KCNMA1: variants seen among roughly 807,000 people sequenced by gnomAD.
KCNMA1 encodes Calcium-activated potassium channel subunit alpha-1.
In KCNMA1, 29 loss-of-function variants were observed where a neutral mutation model predicts 140.0. The ratio of observed to expected loss-of-function variants is 0.21; its 90% CI spans 0.15 to 0.28. The LOEUF is 0.28. KCNMA1 is among the 10% of genes least tolerant of loss of function. The pLI is 1.00. For synonymous variants in KCNMA1, 612 were observed against 611.9 expected, an observed-to-expected ratio of 1.00 and a Z score of 0.00; for missense variants, 880 against 1,602.2, an observed-to-expected ratio of 0.55 and a Z score of 7.70.
intron 1 of KCNMA1, among the ~76,000 whole-genome samples, chr10:77,509,511 C>T (rs1026181455): frequency 6.6e-6 from 1 of 152,248 alleles, no homozygotes; most frequent in South Asian, 2.1e-4. Flanking sequence ...GTTATATACC[C>T]CAAAGTGGAA....
At chr10:77,116,125 C>T (rs113044073) in intron 6 of KCNMA1, among the ~76,000 whole-genome samples, 57 of 152,334 alleles carry the variant, frequency 3.7e-4, no homozygotes, top group African/African-American at 1.3e-3. Context: ...TTGAACCATT[C>T]AGATTCTAGC....
At chr10:77,171,132 C>T (rs723201) in intron 5 of KCNMA1, among the ~76,000 whole-genome samples, 15,974 of 152,130 alleles carry the variant, frequency 0.11, 1,172 homozygotes, top group African/African-American at 0.2. Context: ...GCCCCCAGAT[C>T]AGCAGCAGCA....
chr10:77,558,387 A>G (rs1184489953), intron 1 of KCNMA1, among the ~76,000 whole-genome samples: 2 of 152,156 alleles, frequency 1.3e-5, no homozygotes, highest in African/African-American at 4.8e-5. Context: ...TTGGATCACG[A>G]TGATCCTGGT....
chr10:76,991,509 T>A (rs140389015), intron 19 of KCNMA1, among the ~76,000 whole-genome samples: 2 of 152,368 alleles, frequency 1.3e-5, no homozygotes, highest in East Asian at 3.8e-4. Flanking sequence ...TTTTTATGTT[T>A]ACATATATAT....
chr10:77,198,795 A>C (rs1421230508), intron 3 of KCNMA1, among the ~76,000 whole-genome samples: 3 of 152,054 alleles, frequency 2.0e-5, no homozygotes, highest in Non-Finnish European at 4.4e-5. Flanking sequence ...ACAACTCAAA[A>C]AATGGTACGG....
At chr10:77,509,975 C>T (rs1355650794) in intron 1 of KCNMA1, among the ~76,000 whole-genome samples, 2 of 151,744 alleles carry the variant, frequency 1.3e-5, no homozygotes, top group African/African-American at 2.4e-5. Flanking sequence ...GATATCATAA[C>T]CCAATTAGCA....
Position 76,885,042 on chromosome 10 carries a change from T to TA in KCNMA1, c.*2223_*2224insT. ...ACTTTAGAGAGAGAAGTAAGCTATG[T>TA]GAGTTTTACAATGCTTTTAAACTGT... On this transcript the variant is annotated 3_prime_UTR_variant, in exon 28 of 28. Coordinates refer to ENST00000286628, the MANE Select transcript of KCNMA1 (RefSeq NM_001161352.2). The TA allele has an allele frequency of 1.9e-6, 3 of 1,548,188 alleles. No homozygotes were observed. The highest frequency in any genetic ancestry group is 2.6e-6 in the Non-Finnish European group (3 of 1,145,918).
In KCNMA1 at chr10:77,425,685, C is replaced by T. The variant is rs536502095; in HGVS notation, c.379-21662G>A. Among the ~76,000 whole-genome samples the T allele has an allele frequency of 3.3e-5, 5 of 152,310 alleles. No homozygotes were observed. In the South Asian group the frequency reaches 1.0e-3, roughly 32 times the overall value. ...CTGCTGACAACAGGGCTGTGATACT[C>T]AGCTCCCCAAGGCTGAACTGGATGA... On this transcript the variant is annotated intron_variant, in intron 1 of 27. Coordinates refer to ENST00000286628, the MANE Select transcript of KCNMA1 (RefSeq NM_001161352.2).
At position 77,403,948 on chromosome 10, in the gene KCNMA1, C is replaced by T. The variant is rs2096373042; in HGVS notation, c.454G>A (p.Val152Met). The change falls in exon 2 of 28, where the codon GTG becomes ATG. Residue 152 changes from valine to methionine, a missense_variant. Physicochemically the swap from Val to Met is conservative, Grantham distance 21 (BLOSUM62 1). This residue lies in a region of KCNMA1 where 54 missense variants were observed against 56.4 expected (regional missense o/e 0.96). Transcript: ENST00000286628. ...LKPVDEKEEA[V>M]AAEVGWMTSV... ...GTCATCCAGCCGACCTCGGCGGCCA[C>T]TGCCTCCTCTTTTTCATCCACTGGT... is the stretch of plus-strand genomic sequence containing the variant. 2 of 1,614,204 alleles carry T rather than the reference C, an allele frequency of 1.2e-6. No individual in the cohort carries two copies. The highest frequency in any genetic ancestry group is 1.7e-6 in the Non-Finnish European group (2 of 1,180,050).
At chr10:77,344,324 G>T (rs2091680536) in intron 2 of KCNMA1, among the ~76,000 whole-genome samples, 1 of 152,182 alleles carries the variant, frequency 6.6e-6, no homozygotes, top group South Asian at 2.1e-4. Context: ...CAAATGAACG[G>T]TCCTTAATTT....
At chr10:77,435,667 G>A (rs977523221) in intron 1 of KCNMA1, among the ~76,000 whole-genome samples, 3 of 152,170 alleles carry the variant, frequency 2.0e-5, no homozygotes, top group African/African-American at 7.2e-5. Flanking sequence ...CAACATCCAG[G>A]TCCTATAACA....
chr10:76,905,355 C>T (rs1351245021), intron 25 of KCNMA1, among the ~76,000 whole-genome samples: 1 of 152,148 alleles, frequency 6.6e-6, no homozygotes, highest in Non-Finnish European at 1.5e-5. Context: ...TCCTAGCCAG[C>T]GTATCCAGAA....
In KCNMA1 at chr10:77,079,674, C is replaced by G; in HGVS notation, c.1524-124G>C. On this transcript the variant is annotated intron_variant, in intron 12 of 27. Coordinates refer to ENST00000286628, the MANE Select transcript of KCNMA1 (RefSeq NM_001161352.2). Reference sequence around the variant, plus strand: ...CTGAGGTAGGAGGCAGGACTTGATTCCAGAGGCAGGGCTCAGATACCAGAC... The same window carrying G: ...CTGAGGTAGGAGGCAGGACTTGATTGCAGAGGCAGGGCTCAGATACCAGAC... 6.8e-6 allele frequency: 5 copies of G among 736,422 alleles called. No homozygotes were observed. The South Asian group carries it at 7.3e-5, about 11-fold the overall frequency. 45.6% of individuals were successfully genotyped at this position (736,422 alleles called of 1,614,324 possible).
At chr10:76,931,191 A>G (rs747723135) in intron 23 of KCNMA1, among the ~76,000 whole-genome samples, 1 of 152,172 alleles carries the variant, frequency 6.6e-6, no homozygotes, top group Non-Finnish European at 1.5e-5. Flanking sequence ...TAACTATGGG[A>G]GATGATGGAT....
At chr10:77,625,839 C>T (rs979927438) in intron 1 of KCNMA1, among the ~76,000 whole-genome samples, 8 of 152,110 alleles carry the variant, frequency 5.3e-5, no homozygotes, top group Admixed American at 4.6e-4. Flanking sequence ...TAAGACCCTG[C>T]TTTTAAGTTT....
chr10:77,542,848 C>T (rs908280415), intron 1 of KCNMA1, among the ~76,000 whole-genome samples: 1 of 152,126 alleles, frequency 6.6e-6, no homozygotes, highest in Non-Finnish European at 1.5e-5. Context: ...AGGCCAAAAT[C>T]TTTAGACTTC....
intron 2 of KCNMA1, among the ~76,000 whole-genome samples, chr10:77,266,503 T>C (rs2063487284): frequency 6.6e-6 from 1 of 152,220 alleles, no homozygotes; most frequent in East Asian, 1.9e-4. Flanking sequence ...ATTACCTATG[T>C]TTGTTATTTG....
At chr10:77,636,347 C>T (rs991469000) in intron 1 of KCNMA1, 3 of 1,529,564 alleles carry the variant, frequency 2.0e-6, no homozygotes, top group Non-Finnish European at 1.8e-6. Context: ...TCGAAGGTGT[C>T]GCCAGCCTCA....
intron 3 of KCNMA1, among the ~76,000 whole-genome samples, chr10:77,226,193 T>G (rs2051334788): frequency 6.6e-6 from 1 of 152,202 alleles, no homozygotes; most frequent in Admixed American, 6.5e-5. Context: ...AATAACAGGT[T>G]GCAAACATTG....
Sources: allele counts gnomAD v4.1 joint callset (sites outside exome capture counted in the v4.1 genomes callset), GRCh38; gene constraint gnomAD v4.1.1; regional missense constraint gnomAD v4.1.1; transcripts MANE v1.5; gene names NCBI Gene and HGNC (gene_info 2026-07-23, HGNC 2026-07-21).